Variants in PXDNL observed in about 807,000 individuals in gnomAD.
PXDNL encodes probable oxidoreductase PXDNL.
In PXDNL, 145 loss-of-function variants were observed where a neutral mutation model predicts 150.8. The observed-to-expected ratio is 0.96, with a 90% CI of 0.84 to 1.10. PXDNL has a LOEUF of 1.10. PXDNL is among the 50% of genes least tolerant of loss of function. PXDNL has a pLI of 0.00. For synonymous variants in PXDNL, 757 were observed against 725.7 expected, an observed-to-expected ratio of 1.04 and a Z score of -0.69; for missense variants, 2,087 against 1,873.9, an observed-to-expected ratio of 1.11 and a Z score of -2.10.
chr8:51,466,933 CCA>C (rs1810217548), intron 8 of PXDNL, among the ~76,000 whole-genome samples: 1 of 152,084 alleles, frequency 6.6e-6, no homozygotes, highest in African/African-American at 2.4e-5. Flanking sequence ...GCTAATGCTT[CCA>C]CACTGTTGGA....
chr8:51,641,906 C>T (rs1476868539), intron 2 of PXDNL, among the ~76,000 whole-genome samples: 10 of 152,138 alleles, frequency 6.6e-5, no homozygotes, highest in South Asian at 4.2e-4. Context: ...CACATGCACA[C>T]GTATGTTTAT....
At chr8:51,663,004 A>G (rs545212381) in intron 1 of PXDNL, among the ~76,000 whole-genome samples, 1 of 152,302 alleles carries the variant, frequency 6.6e-6, no homozygotes, top group South Asian at 2.1e-4. Context: ...GCTTTACCTA[A>G]GAGAAAGCCA....
chr8:51,809,443 A>C lies in PXDNL; in HGVS notation c.-99T>G. On this transcript the variant is annotated 5_prime_UTR_variant, in exon 1 of 23. Transcript: ENST00000356297. ...CAGTGGTGGTGATGGTGGCTGCTGG[A>C]CTGAGCCAAGTTTGGGAGCCGTGGT... 8.0e-7 allele frequency: 1 copy of C among 1,257,292 alleles called. No homozygotes were observed. The highest frequency in any genetic ancestry group is 1.1e-6 in the Non-Finnish European group (1 of 939,630). The allele number at this position is 1,257,292 out of a possible 1,614,324, so 77.9% of individuals were successfully genotyped here.
chr8:51,773,263 CTTT>C (rs1412535340), intron 1 of PXDNL, among the ~76,000 whole-genome samples: 1 of 152,154 alleles, frequency 6.6e-6, no homozygotes, highest in Non-Finnish European at 1.5e-5. Flanking sequence ...GCCCACGCTT[CTTT>C]TTTAAAAAAT....
intron 2 of PXDNL, among the ~76,000 whole-genome samples, chr8:51,608,766 G>A (rs1813929219): frequency 6.7e-6 from 1 of 149,172 alleles, no homozygotes; most frequent in Non-Finnish European, 1.5e-5. Context: ...GAACCCGGGA[G>A]GCGGAGCTTG....
intron 1 of PXDNL, among the ~76,000 whole-genome samples, chr8:51,689,090 G>T (rs1744024045): frequency 6.6e-6 from 1 of 152,216 alleles, no homozygotes; most frequent in Non-Finnish European, 1.5e-5. Flanking sequence ...GGGGCTGCCT[G>T]TATGGGGCCC....
intron 19 of PXDNL, among the ~76,000 whole-genome samples, chr8:51,351,656 G>A (rs1305309344): frequency 1.3e-5 from 2 of 152,158 alleles, no homozygotes; most frequent in Non-Finnish European, 2.9e-5. Context: ...CCAGAATGCA[G>A]GACTCCTGGC....
chr8:51,507,924 C>T (rs186975211), intron 4 of PXDNL, among the ~76,000 whole-genome samples: 15 of 152,164 alleles, frequency 9.9e-5, no homozygotes, highest in East Asian at 7.7e-4. Context: ...ATTTTCTGAG[C>T]GGGAAGGAGT....
chr8:51,361,958 AAAAAAAAGAAAAG>A (rs1347012788), intron 19 of PXDNL, among the ~76,000 whole-genome samples: 6 of 149,348 alleles, frequency 4.0e-5, no homozygotes, highest in African/African-American at 1.2e-4. Context: ...AAAAAAAAAA[AAAAAAAAGAAAAG>A]AAAAGAAAAA....
At chr8:51,770,700 C>A (rs575878321) in intron 1 of PXDNL, among the ~76,000 whole-genome samples, 1 of 152,350 alleles carries the variant, frequency 6.6e-6, no homozygotes, top group African/African-American at 2.4e-5. Context: ...GAAAATCACT[C>A]TTATATCACC....
intron 3 of PXDNL, among the ~76,000 whole-genome samples, chr8:51,570,908 G>T (rs544773723): frequency 2.6e-5 from 4 of 151,778 alleles, no homozygotes; most frequent in Non-Finnish European, 5.9e-5. Context: ...AGCTAAATAG[G>T]CAAAGTTTGT....
At chr8:51,694,290 G>A (rs1387885829) in intron 1 of PXDNL, among the ~76,000 whole-genome samples, 1 of 152,196 alleles carries the variant, frequency 6.6e-6, no homozygotes, top group Non-Finnish European at 1.5e-5. Flanking sequence ...TTGAATCCAG[G>A]AGGCGGAGGT....
At chr8:51,364,564 G>T (rs28533477) in intron 19 of PXDNL, among the ~76,000 whole-genome samples, 42 of 152,136 alleles carry the variant, frequency 2.8e-4, no homozygotes, top group African/African-American at 8.9e-4. Context: ...GACTCATGGG[G>T]TATACTTTTA....
At chr8:51,785,752 A>G (rs141295221) in intron 1 of PXDNL, among the ~76,000 whole-genome samples, 1 of 152,122 alleles carries the variant, frequency 6.6e-6, no homozygotes, top group Non-Finnish European at 1.5e-5. Context: ...GGGCCTCCCA[A>G]TTCCCTGAGA....
rs555603022 is a variant in PXDNL at position 51,543,275 on chromosome 8, T to C, written c.380+13565A>G. The stretch of plus-strand genomic sequence containing the variant: ...TACTACTCTGCCTCTTTCCATAAAT[T>C]TAGTAGATGATGAGATAAAAAGTTT... On this transcript the variant is annotated intron_variant, in intron 4 of 22. Coordinates refer to ENST00000356297, the MANE Select transcript of PXDNL (RefSeq NM_144651.5). Among the ~76,000 whole-genome samples the C allele has an allele frequency of 3.3e-5, 5 of 152,282 alleles. No homozygotes were observed. In the South Asian group the frequency reaches 1.0e-3, roughly 32 times the overall value.
chr8:51,466,154 C>T (rs1422448324), intron 8 of PXDNL, among the ~76,000 whole-genome samples: 1 of 152,108 alleles, frequency 6.6e-6, no homozygotes, highest in Non-Finnish European at 1.5e-5. Context: ...TCAAACTATT[C>T]TACAAGGCTA....
chr8:51,355,055 T>G (rs1439733670), intron 19 of PXDNL, among the ~76,000 whole-genome samples: 1 of 152,190 alleles, frequency 6.6e-6, no homozygotes, highest in African/African-American at 2.4e-5. Context: ...GATGTCCTTA[T>G]GGTGTTCTAT....
intron 9 of PXDNL, among the ~76,000 whole-genome samples, chr8:51,455,699 T>C (rs1809924918): frequency 6.6e-6 from 1 of 152,158 alleles, no homozygotes; most frequent in Non-Finnish European, 1.5e-5. Context: ...AGGGTCAGAC[T>C]TGACCTAGAG....
intron 17 of PXDNL, among the ~76,000 whole-genome samples, chr8:51,391,205 T>A (rs1414807491): frequency 1.3e-5 from 2 of 152,210 alleles, no homozygotes; most frequent in East Asian, 3.8e-4. Context: ...TAAACATATG[T>A]GTGCGTGTGT....
Sources: allele counts gnomAD v4.1 joint callset (sites outside exome capture counted in the v4.1 genomes callset), GRCh38; gene constraint gnomAD v4.1.1; transcripts MANE v1.5; gene names NCBI Gene and HGNC (gene_info 2026-07-23, HGNC 2026-07-21).